Variants in CHAT observed in about 807,000 individuals in gnomAD.
The protein encoded by CHAT is choline O-acetyltransferase, also known as acetyl CoA:choline O-acetyltransferase.
CHAT carries 61 observed loss-of-function variants against 76.9 expected under a neutral mutation model. The ratio of observed to expected loss-of-function variants is 0.79; its 90% CI spans 0.65 to 0.98. The LOEUF is 0.98. Among genes scored for constraint, CHAT ranks in the 50% least tolerant of loss-of-function variants. The probability of loss-of-function intolerance (pLI) is 0.00; values close to 1 mark genes in which losing one functional copy is unlikely to be tolerated. For missense variants in CHAT, 946 were observed against 986.9 expected (o/e 0.96, Z 0.56); for synonymous variants, 407 against 397.4 (o/e 1.02, Z -0.29).
intron 3 of CHAT, 48 bp from the exon 4 acceptor site, chr10:49,620,447 T>C: frequency 2.4e-6 from 3 of 1,255,554 alleles, no homozygotes; most frequent in Non-Finnish European, 3.5e-6. Flanking sequence ...GCTGTCAGGA[T>C]GGGACTGTTT....
intron 4 of CHAT, 124 bp downstream of exon 4, chr10:49,620,737 C>G: frequency 6.5e-6 from 5 of 774,864 alleles, no homozygotes; most frequent in Non-Finnish European, 1.1e-5. Flanking sequence ...GTCAAATGCC[C>G]CGAGACAGTG....
chr10:49,617,470 C>T (rs1217359186), intron 2 of CHAT, among the ~76,000 whole-genome samples: 4 of 152,226 alleles, frequency 2.6e-5, no homozygotes, highest in Non-Finnish European at 5.9e-5. Context: ...GGTCCAAAGA[C>T]ACTCCTTAGC....
chr10:49,658,380 G>T (rs1038766156), intron 13 of CHAT, among the ~76,000 whole-genome samples: 1 of 152,204 alleles, frequency 6.6e-6, no homozygotes, highest in Admixed American at 6.5e-5. Context: ...AGCCAGGCGT[G>T]GTTGCACATG....
intron 7 of CHAT, among the ~76,000 whole-genome samples, chr10:49,632,056 G>C (rs1327391172): frequency 1.3e-5 from 2 of 152,130 alleles, no homozygotes; most frequent in African/African-American, 4.8e-5. Context: ...GAAGGAAGCT[G>C]TCTACCCCAC....
chr10:49,614,179 C>T lies in CHAT; in HGVS notation c.-11C>T, dbSNP rs1221358681. 2.2e-5 allele frequency: 31 copies of T among 1,383,528 alleles called. No homozygotes were observed. Among genetic ancestry groups the T allele is most frequent in the Non-Finnish European group, 2.8e-5 (30 of 1,074,230 alleles). 85.7% of individuals were successfully genotyped at this position (1,383,528 alleles called of 1,614,324 possible). A position where few individuals can be genotyped will look rare whatever the true frequency, so the allele number is the denominator to read the frequency against. ...GGAGCTGAGATCCCTGGGCGGGGAG[C>T]TGGGGAAGGGATGGGGCTGAGGACA... On this transcript the variant is annotated 5_prime_UTR_variant, in exon 1 of 15. Coordinates refer to ENST00000337653, the MANE Select transcript of CHAT (RefSeq NM_020549.5).
rs370481031 is a variant in CHAT, at chr10:49,625,633, A to G, written c.913A>G (p.Ile305Val). 14 of 1,578,308 alleles carry G rather than the reference A, an allele frequency of 8.9e-6. No homozygotes were observed. In the South Asian group the frequency reaches 1.5e-4, roughly 17 times the overall value. Residue 305 changes from isoleucine (I) to valine (V), a missense_variant, in exon 6 of 15, where the codon ATC becomes GTC. By Grantham distance (29) the Ile-to-Val change is conservative. Transcript: ENST00000337653. ...SSIMPEPEHV[I>V]VACCNQFFVL... ...CATCATGCCGGAGCCTGAGCACGTCATCGTAGCCTGCTGCAATCAGGTAAG... is the reference window on the plus strand; with the variant it reads ...CATCATGCCGGAGCCTGAGCACGTCGTCGTAGCCTGCTGCAATCAGGTAAG...
chr10:49,619,877 G>A lies in CHAT; in HGVS notation c.540G>A (p.Gln180=). The part of the protein sequence containing the change: ...GAPGGLGETL[Q]QKLLERQEKT... ...CTGGTGGCCTCGGCGAGACCCTGCA[G>A]CAGAAACTCCTGGAGCGGCAGGAGA... Residue 180 remains glutamine, a synonymous_variant, in exon 3 of 15, where the codon CAG becomes CAA. Coordinates refer to ENST00000337653, the MANE Select transcript of CHAT (RefSeq NM_020549.5). 1 of 1,613,316 alleles carries A rather than the reference G, an allele frequency of 6.2e-7. No homozygotes were observed.
chr10:49,611,553 G>A (rs756220588), upstream of CHAT: 10 of 1,604,560 alleles, frequency 6.2e-6, no homozygotes, highest in Non-Finnish European at 8.5e-6. Context: ...CGGCTGCACG[G>A]GCTCGGGCCA....
intron 5 of CHAT, 23 bp downstream of exon 5, chr10:49,622,173 C>T (rs1838754288): frequency 6.2e-7 from 1 of 1,612,580 alleles, no homozygotes; most frequent in Non-Finnish European, 8.5e-7. Context: ...GGGTGGTGCC[C>T]TGTTCCAGCA....
chr10:49,621,838 T>C (rs1171182367), intron 4 of CHAT, among the ~76,000 whole-genome samples: 2 of 151,892 alleles, frequency 1.3e-5, no homozygotes, highest in African/African-American at 2.4e-5. Flanking sequence ...TGTGGTGGGC[T>C]CTCGGCATGG....
Position 49,653,797 on chromosome 10 carries a change from C to T in CHAT, c.1635-1298C>T, listed in dbSNP as rs930770912. On this transcript the variant is annotated intron_variant, in intron 11 of 14. Coordinates refer to ENST00000337653, the MANE Select transcript of CHAT (RefSeq NM_020549.5). ...CCGTGAGGTCAGCATCCTGCCAGAG[C>T]CTCGACTGGGGATGCCACTAAGACC... is the stretch of plus-strand genomic sequence containing the variant. Among the ~76,000 whole-genome samples the T allele has an allele frequency of 3.3e-5, 5 of 152,356 alleles. No homozygotes were observed. The East Asian group carries it at 9.6e-4, about 29-fold the overall frequency.
In CHAT at chr10:49,614,313, C is replaced by T. The variant is rs1243800119; in HGVS notation, c.124C>T (p.Arg42Cys). ...RPACFLQSGG[R>C]GDPGDVGGPA... ...AGCTTGCTTTCTCCAGTCGGGTGGC[C>T]GCGGGGACCCGGGCGACGTCGGAGG... The change falls in exon 1 of 15, where the codon CGC becomes TGC. Residue 42 changes from arginine (R) to cysteine (C), a missense_variant. This residue lies in a region of CHAT where 548 missense variants were observed against 516.2 expected (regional missense o/e 1.06). Transcript: ENST00000337653. 2.6e-6 allele frequency: 4 copies of T among 1,547,662 alleles called. No homozygotes were observed. Among genetic ancestry groups the T allele is most frequent in the Non-Finnish European group, 3.5e-6 (4 of 1,146,198 alleles).
rs199684404 is a variant in CHAT at position 49,665,080 on chromosome 10, C to A, written c.*34C>A. The A allele has an allele frequency of 3.7e-6, 6 of 1,611,910 alleles. No homozygotes were observed. Among genetic ancestry groups the A allele is most frequent in the Non-Finnish European group, 5.1e-6 (6 of 1,179,618 alleles). On this transcript the variant is annotated 3_prime_UTR_variant, in exon 15 of 15. Coordinates refer to ENST00000337653, the MANE Select transcript of CHAT (RefSeq NM_020549.5). ...ACTAGGTTTCACCTCCCAAACCCAG[C>A]CTCTAGAACAGCCAGACCCTGCAGA...
chr10:49,623,871 T>C (rs1269967840), intron 5 of CHAT, among the ~76,000 whole-genome samples: 2 of 152,132 alleles, frequency 1.3e-5, no homozygotes, highest in Non-Finnish European at 2.9e-5. Flanking sequence ...CCAAGCTCCC[T>C]CCTCCTTCCC....
chr10:49,627,729 T>C lies in CHAT; in HGVS notation c.1055T>C (p.Leu352Pro). 6.2e-7 allele frequency: 1 copy of C among 1,614,098 alleles called. No individual in the cohort carries two copies. Among genetic ancestry groups the C allele is most frequent in the Non-Finnish European group, 8.5e-7 (1 of 1,179,942 alleles). ...NEDERLPPIGLLTSDGRSEWA... is the reference protein window; with the variant it reads ...NEDERLPPIGPLTSDGRSEWA... Reference sequence around the variant, plus strand: ...GACGAGCGTTTGCCTCCAATTGGCCTGCTGACGTCTGACGGGAGGAGCGAG... The same window carrying C: ...GACGAGCGTTTGCCTCCAATTGGCCCGCTGACGTCTGACGGGAGGAGCGAG... Residue 352 changes from leucine (L) to proline (P), a missense_variant, in exon 7 of 15, where the codon CTG (leucine) becomes CCG (proline). This residue lies in a region of CHAT where 548 missense variants were observed against 516.2 expected (regional missense o/e 1.06). Coordinates refer to ENST00000337653, the MANE Select transcript of CHAT (RefSeq NM_020549.5).
chr10:49,661,056 T>C (rs192059985), intron 13 of CHAT, among the ~76,000 whole-genome samples: 1 of 152,302 alleles, frequency 6.6e-6, no homozygotes, highest in African/African-American at 2.4e-5. Context: ...CACTACACCA[T>C]AAGCTCCACA....
intron 1 of CHAT, 70 bp from the exon 2 acceptor site, chr10:49,616,432 C>A (rs560152967): frequency 6.1e-5 from 74 of 1,204,466 alleles, no homozygotes; most frequent in African/African-American, 4.5e-4. Context: ...GGTCTGTTGG[C>A]GGGAGGTGGA....
chr10:49,636,490 G>T (rs530113533), intron 7 of CHAT, among the ~76,000 whole-genome samples: 12 of 152,012 alleles, frequency 7.9e-5, no homozygotes, highest in Admixed American at 3.9e-4. Flanking sequence ...TTTGTTTGTT[G>T]TACTGTATTT....
intron 5 of CHAT, among the ~76,000 whole-genome samples, chr10:49,623,202 C>G (rs12253373): frequency 1.0e-3 from 158 of 152,230 alleles, no homozygotes; most frequent in African/African-American, 3.4e-3. Flanking sequence ...TCCAGCTCAC[C>G]GTCCTGTCTG....
Sources: allele counts gnomAD v4.1 joint callset (sites outside exome capture counted in the v4.1 genomes callset), GRCh38; gene constraint gnomAD v4.1.1; regional missense constraint gnomAD v4.1.1; transcripts MANE v1.5; gene names NCBI Gene and HGNC (gene_info 2026-07-23, HGNC 2026-07-21).